The following ULK2 variants were observed in gnomAD, a reference collection of about 807,000 sequenced individuals.
ULK2 encodes the protein serine/threonine-protein kinase ULK2.
ULK2 carries 76 observed loss-of-function variants against 127.5 expected under a neutral mutation model. The ratio of observed to expected loss-of-function variants is 0.60; its 90% CI spans 0.50 to 0.72. ULK2 has a LOEUF of 0.72. Ranked by LOEUF, ULK2 falls within the 30% of genes least tolerant of loss-of-function variation. ULK2 has a pLI of 0.00. For missense variants in ULK2, 1,144 were observed against 1,295.9 expected (o/e 0.88, Z 1.80); for synonymous variants, 452 against 461.9 (o/e 0.98, Z 0.28).
intron 20 of ULK2, among the ~76,000 whole-genome samples, chr17:19,795,371 A>AAG (rs2087246181): frequency 6.6e-6 from 1 of 151,102 alleles, no homozygotes; most frequent in South Asian, 2.1e-4. Context: ...AAAAAAAAAA[A>AAG]AATCTTCGTC....
At chr17:19,824,665 T>G (rs922108703) in intron 12 of ULK2, among the ~76,000 whole-genome samples, 10 of 152,078 alleles carry the variant, frequency 6.6e-5, no homozygotes, top group Non-Finnish European at 1.3e-4. Flanking sequence ...TCTAAGTCAG[T>G]GAAATCTGGC....
chr17:19,809,732 C>CGAAAAAAAAAAAAAAAAAA (rs750626905), intron 14 of ULK2, among the ~76,000 whole-genome samples: 2 of 90,500 alleles, frequency 2.2e-5, no homozygotes, highest in Non-Finnish European at 4.0e-5. Context: ...GACTCCGTCT[C>CGAAAAAAAAAAAAAAAAAA]AAAAAAAAAA....
intron 10 of ULK2, among the ~76,000 whole-genome samples, chr17:19,835,803 AAG>A (rs1221948611): frequency 6.6e-6 from 1 of 151,866 alleles, no homozygotes; most frequent in Non-Finnish European, 1.5e-5. Context: ...CACTCAATGA[AAG>A]AATTTAAATG....
intron 14 of ULK2, 35 bp downstream of exon 14, chr17:19,810,343 A>G: frequency 7.1e-7 from 1 of 1,415,934 alleles, no homozygotes; most frequent in South Asian, 1.3e-5. Context: ...TAAAATATAA[A>G]ACAAATTTTA....
At chr17:19,861,168 A>C (rs996428096) in intron 3 of ULK2, 1 of 152,200 alleles carries the variant, frequency 6.6e-6, no homozygotes, top group Admixed American at 6.5e-5. Context: ...TTAACAATTC[A>C]CATTTTTTAG....
rs1035291669 is a variant in ULK2 at position 19,849,761 on chromosome 17, G to A, written c.239C>T (p.Ser80Phe). The A allele has an allele frequency of 1.3e-6, 2 of 1,541,376 alleles. No homozygotes were observed. The highest frequency in any genetic ancestry group is 1.4e-5 in the African/African-American group (1 of 71,144). ...ACCTACCTCCATCACCAAAAAGACA[G>A]AGTTGGGTAATTCCTGAAAAGTAAA... is the stretch of plus-strand genomic sequence containing the variant. ...ALYDVQELPN[S>F]VFLVMEYCNG... Residue 80 changes from serine (S) to phenylalanine (F), a missense_variant, in exon 4 of 27, where the codon TCT (serine) becomes TTT (phenylalanine). Transcript: ENST00000395544.
At chr17:19,846,412 G>T (rs2041883270) in intron 6 of ULK2, among the ~76,000 whole-genome samples, 1 of 151,944 alleles carries the variant, frequency 6.6e-6, no homozygotes, top group Non-Finnish European at 1.5e-5. Context: ...AGCTGAGGCG[G>T]GCAGATCACC....
chr17:19,860,908 C>G (rs968230074), intron 3 of ULK2: 1 of 151,878 alleles, frequency 6.6e-6, no homozygotes, highest in Admixed American at 6.6e-5. Flanking sequence ...CGCAGGAGAC[C>G]CAGGTTCGAT....
intron 22 of ULK2, among the ~76,000 whole-genome samples, chr17:19,782,343 A>T (rs1321267843): frequency 6.6e-6 from 1 of 152,092 alleles, no homozygotes; most frequent in Non-Finnish European, 1.5e-5. Flanking sequence ...GAAAAAGAAA[A>T]GAAAGCTGAA....
intron 22 of ULK2, among the ~76,000 whole-genome samples, chr17:19,782,607 G>A (rs1483217343): frequency 2.6e-5 from 4 of 152,144 alleles, no homozygotes; most frequent in African/African-American, 7.2e-5. Flanking sequence ...GCATTCAGAG[G>A]GCTGTCATTT....
At chr17:19,798,939 T>TC (rs1375368179) in intron 17 of ULK2, among the ~76,000 whole-genome samples, 1 of 151,550 alleles carries the variant, frequency 6.6e-6, no homozygotes, top group Non-Finnish European at 1.5e-5. Flanking sequence ...GAGGCGGGTG[T>TC]ATCACAGGGT....
intron 13 of ULK2, among the ~76,000 whole-genome samples, chr17:19,815,223 G>A (rs1429635981): frequency 6.6e-6 from 1 of 151,944 alleles, no homozygotes; most frequent in African/African-American, 2.4e-5. Context: ...AAGAGAAAAG[G>A]CACTTTAGCT....
intron 24 of ULK2, 65 bp downstream of exon 24, chr17:19,780,921 C>A (rs1320118398): frequency 7.1e-7 from 1 of 1,417,636 alleles, no homozygotes; most frequent in Non-Finnish European, 1.0e-6. Flanking sequence ...CACTCTCTCA[C>A]AGTGTGATGG....
chr17:19,799,448 T>C (rs368807686), intron 17 of ULK2, 47 bp downstream of exon 17: 2 of 1,420,630 alleles, frequency 1.4e-6, no homozygotes, highest in Non-Finnish European at 1.9e-6. Context: ...CTCAAATCCA[T>C]TTATAATACA....
rs2041848479 is a variant in ULK2, at chr17:19,845,083, A to T, written c.543+221T>A. ...TTGTCTCATAACTAATCTTTTTTAA[A>T]AAATAAAAACAAATGGGCAAAAATG... On this transcript the variant is annotated intron_variant, in intron 7 of 26. Transcript: ENST00000395544. 2.0e-5 allele frequency among the ~76,000 whole-genome samples: 3 copies of T among 152,228 alleles called. No individual in the cohort carries two copies. The South Asian group carries it at 6.2e-4, about 32-fold the overall frequency.
Position 19,826,145 on chromosome 17 carries a change from T to C in ULK2, c.829A>G (p.Lys277Glu). 6.9e-7 allele frequency: 1 copy of C among 1,458,506 alleles called. No individual in the cohort carries two copies. Among genetic ancestry groups the C allele is most frequent in the Admixed American group, 2.1e-5 (1 of 47,610 alleles). The allele number at this position is 1,458,506 out of a possible 1,614,324, so 90.3% of individuals were successfully genotyped here. The change falls in exon 11 of 27, where the codon AAA becomes GAA. Residue 277 changes from lysine to glutamate, a missense_variant. By Grantham distance (56) the Lys-to-Glu change is moderately conservative. Around this residue, in one of 2 missense-constraint regions of ULK2, gnomAD observed 913 missense variants for 970.5 expected, o/e 0.94. Transcript: ENST00000395544. ...ACAAAAAATGGATACTCACATTTTTTTACTGGACCTTGCTCAAGAAAAGGA... is the reference window on the plus strand; with the variant it reads ...ACAAAAAATGGATACTCACATTTTTCTACTGGACCTTGCTCAAGAAAAGGA... The part of the protein sequence containing the change: ...SHPFLEQGPV[K>E]KSCPVPVPMY...
chr17:19,841,277 T>C (rs1428578546), intron 9 of ULK2, among the ~76,000 whole-genome samples: 2 of 152,220 alleles, frequency 1.3e-5, no homozygotes, highest in Non-Finnish European at 2.9e-5. Context: ...TATCTTTTTC[T>C]TTTAAATTTA....
intron 25 of ULK2, among the ~76,000 whole-genome samples, chr17:19,778,099 T>C (rs949486012): frequency 2.0e-5 from 3 of 152,258 alleles, no homozygotes; most frequent in South Asian, 2.1e-4. Flanking sequence ...ATGATGCTAA[T>C]AGTCACTTGC....
At chr17:19,836,119 A>C (rs987663616) in intron 10 of ULK2, among the ~76,000 whole-genome samples, 1 of 150,756 alleles carries the variant, frequency 6.6e-6, no homozygotes, top group Admixed American at 6.6e-5. Context: ...AAAAAAAAAA[A>C]CAAAAATTAG....
Sources: allele counts gnomAD v4.1 joint callset (sites outside exome capture counted in the v4.1 genomes callset), GRCh38; gene constraint gnomAD v4.1.1; regional missense constraint gnomAD v4.1.1; transcripts MANE v1.5; gene names NCBI Gene and HGNC (gene_info 2026-07-23, HGNC 2026-07-21).